The following SORCS2 variants were observed in gnomAD, a reference collection of about 807,000 sequenced individuals.
SORCS2 encodes the protein VPS10 domain-containing receptor SorCS2.
Under a neutral mutation model 141.6 loss-of-function variants are expected in SORCS2, and 100 were observed. The observed-to-expected ratio is 0.71, with a 90% CI of 0.60 to 0.83. SORCS2 has a LOEUF of 0.83. SORCS2 is among the 40% of genes least tolerant of loss of function. The pLI, the probability that SORCS2 is intolerant of heterozygous loss-of-function variation, is 0.00. For synonymous variants in SORCS2, 789 were observed against 676.9 expected (o/e 1.17, Z -2.57); for missense variants, 1,646 against 1,560.2 (o/e 1.05, Z -0.93).
chr4:7,635,432 A>G (rs1333242979), intron 3 of SORCS2, among the ~76,000 whole-genome samples: 1 of 152,202 alleles, frequency 6.6e-6, no homozygotes, highest in Non-Finnish European at 1.5e-5. Flanking sequence ...GCCACCACTT[A>G]AGACCAATCA....
At chr4:7,507,177 A>ATTATTTAT (rs59015576) in intron 2 of SORCS2, among the ~76,000 whole-genome samples, 87,044 of 150,692 alleles carry the variant, frequency 0.58, 26,866 homozygotes, top group East Asian at 0.98. Context: ...CTTTTTTATT[A>ATTATTTAT]TTATTTATTT....
chr4:7,527,150 A>T (rs1733744403), intron 2 of SORCS2, among the ~76,000 whole-genome samples: 1 of 152,096 alleles, frequency 6.6e-6, no homozygotes, highest in Non-Finnish European at 1.5e-5. Context: ...CTCACAGCTC[A>T]CGTGGGGACA....
At chr4:7,427,259 G>A (rs970441822) in intron 2 of SORCS2, among the ~76,000 whole-genome samples, 2 of 152,190 alleles carry the variant, frequency 1.3e-5, no homozygotes, top group African/African-American at 4.8e-5. Flanking sequence ...CTCTGGGGGG[G>A]GCTTTGAGTC....
chr4:7,703,765 G>A (rs574265415), intron 13 of SORCS2, among the ~76,000 whole-genome samples: 21 of 152,324 alleles, frequency 1.4e-4, no homozygotes, highest in South Asian at 2.1e-4. Context: ...GAGGGCAGGC[G>A]TGAACTCGGG....
At chr4:7,204,230 T>G (rs1173596656) in intron 1 of SORCS2, among the ~76,000 whole-genome samples, 3 of 152,090 alleles carry the variant, frequency 2.0e-5, no homozygotes, top group Non-Finnish European at 4.4e-5. Context: ...TTTTTTTTCT[T>G]CTTGAGACTG....
intron 1 of SORCS2, among the ~76,000 whole-genome samples, chr4:7,275,953 G>A (rs898172325): frequency 1.3e-5 from 2 of 152,198 alleles, no homozygotes; most frequent in Non-Finnish European, 2.9e-5. Context: ...GTGCATCCAG[G>A]CAAGTGCCTG....
intron 3 of SORCS2, among the ~76,000 whole-genome samples, chr4:7,619,503 G>T (rs1166649220): frequency 6.6e-6 from 1 of 152,184 alleles, no homozygotes; most frequent in East Asian, 1.9e-4. Context: ...CACACTCAGG[G>T]ACATGAGGGA....
chr4:7,267,535 A>C (rs1268561434), intron 1 of SORCS2, among the ~76,000 whole-genome samples: 2 of 152,160 alleles, frequency 1.3e-5, no homozygotes, highest in Non-Finnish European at 2.9e-5. Flanking sequence ...ATGGATGACA[A>C]CACCAGCTCA....
intron 2 of SORCS2, chr4:7,434,116 T>G (rs769127739): frequency 6.2e-7 from 1 of 1,612,756 alleles, no homozygotes; most frequent in Admixed American, 1.7e-5. Flanking sequence ...CCCTAGCTCC[T>G]CACAGAATCC....
intron 1 of SORCS2, among the ~76,000 whole-genome samples, chr4:7,394,284 G>A (rs918406442): frequency 6.6e-6 from 1 of 152,174 alleles, no homozygotes. Flanking sequence ...CTTGTTATAT[G>A]GCAGGTGCTG....
chr4:7,334,577 G>C (rs1234521081), intron 1 of SORCS2, among the ~76,000 whole-genome samples: 1 of 152,198 alleles, frequency 6.6e-6, no homozygotes, highest in African/African-American at 2.4e-5. Context: ...GTAATTAGGA[G>C]CAGACAGTAG....
intron 3 of SORCS2, among the ~76,000 whole-genome samples, chr4:7,575,702 G>T (rs6853188): frequency 1.1e-4 from 17 of 152,064 alleles, no homozygotes; most frequent in African/African-American, 4.1e-4. Context: ...CGCTGGACTG[G>T]ACACTTGCTC....
At position 7,192,953 on chromosome 4, in the gene SORCS2, G is replaced by A. The variant is rs1726934780; in HGVS notation, c.307G>A (p.Gly103Ser). ...APGPSPGPAP[G>S]PGEDGAPAAG... ...GGGTCCGAGTCCCGGTCCCGCTCCT[G>A]GTCCCGGCGAGGACGGCGCCCCCGC... Residue 103 changes from glycine to serine, a missense_variant, in exon 1 of 27, where the codon GGT becomes AGT. By Grantham distance (56) the Gly-to-Ser change is moderately conservative. Coordinates refer to ENST00000507866, the MANE Select transcript of SORCS2 (RefSeq NM_020777.3). This position sits in a 1 kb window ranked among gnomAD's most constrained non-coding sequence, Gnocchi z 4.0. The A allele has an allele frequency of 7.5e-7, 1 of 1,339,018 alleles. No individual in the cohort carries two copies. Among genetic ancestry groups the A allele is most frequent in the African/African-American group, 1.5e-5 (1 of 64,634 alleles). 82.9% of individuals were successfully genotyped at this position (1,339,018 alleles called of 1,614,324 possible).
At chr4:7,618,457 C>T (rs1560430178) in intron 3 of SORCS2, among the ~76,000 whole-genome samples, 1 of 152,192 alleles carries the variant, frequency 6.6e-6, no homozygotes, top group Non-Finnish European at 1.5e-5. Flanking sequence ...TCAAGGCCCC[C>T]AATGGTTCCC....
At chr4:7,540,090 C>A in intron 3 of SORCS2, among the ~76,000 whole-genome samples, 1 of 145,042 alleles carries the variant, frequency 6.9e-6, no homozygotes, top group African/African-American at 2.6e-5. Flanking sequence ...TTATGGAGGC[C>A]CCGCCCCCTT....
At chr4:7,324,521 G>A (rs538043748) in intron 1 of SORCS2, among the ~76,000 whole-genome samples, 4 of 152,204 alleles carry the variant, frequency 2.6e-5, no homozygotes, top group Non-Finnish European at 5.9e-5. Flanking sequence ...TCCTTGACAG[G>A]TGGGACTGTG....
chr4:7,587,559 G>T (rs934591636), intron 3 of SORCS2, among the ~76,000 whole-genome samples: 1 of 152,214 alleles, frequency 6.6e-6, no homozygotes, highest in Non-Finnish European at 1.5e-5. Context: ...CCCAAGGCAG[G>T]CCCAGGGTCT....
chr4:7,732,753 G>T (rs957209942), intron 23 of SORCS2, among the ~76,000 whole-genome samples: 1 of 151,930 alleles, frequency 6.6e-6, no homozygotes, highest in Non-Finnish European at 1.5e-5. Flanking sequence ...TTACATTCCC[G>T]ACTAAAACAA....
At chr4:7,616,847 C>T (rs553481844) in intron 3 of SORCS2, among the ~76,000 whole-genome samples, 2 of 152,328 alleles carry the variant, frequency 1.3e-5, no homozygotes, top group African/African-American at 4.8e-5. Flanking sequence ...CCTCGATGGA[C>T]GTTTGGAGGT....
Sources: gnomAD v4.1 joint callset for allele counts (sites outside exome capture counted in the v4.1 genomes callset) on GRCh38, gnomAD v4.1.1 for gene constraint, Gnocchi (gnomAD v3.1) non-coding constraint, MANE v1.5 for transcripts, NCBI Gene and HGNC (gene_info 2026-07-23, HGNC 2026-07-21) for gene names.